DOCK1: variants seen among roughly 807,000 people sequenced by gnomAD.
DOCK1 encodes dedicator of cytokinesis protein 1.
In DOCK1, 138 loss-of-function variants were observed where a neutral mutation model predicts 262.7. The ratio of observed to expected loss-of-function variants is 0.53; its 90% CI spans 0.46 to 0.61. The LOEUF (loss-of-function observed/expected upper bound fraction) is 0.61. Ranked by LOEUF, DOCK1 falls within the 20% of genes least tolerant of loss-of-function variation. DOCK1 has a pLI of 0.00. For missense variants in DOCK1, 1,908 were observed against 2,370.7 expected (o/e 0.80, Z 4.05); for synonymous variants, 866 against 867.4 (o/e 1.00, Z 0.03).
At chr10:127,010,468 A>C (rs1177480832) in intron 11 of DOCK1, among the ~76,000 whole-genome samples, 1 of 152,224 alleles carries the variant, frequency 6.6e-6, no homozygotes, top group Non-Finnish European at 1.5e-5. Flanking sequence ...TTCTGTCTCA[A>C]TGATAATAGT....
intron 16 of DOCK1, among the ~76,000 whole-genome samples, chr10:127,030,913 GAAAGAGGGTGATTGGGTGACT>G (rs1259628346): frequency 7.9e-5 from 12 of 152,164 alleles, no homozygotes; most frequent in Non-Finnish European, 4.4e-5. Flanking sequence ...CAGGTGAGAG[GAAAGAGGGTGATTGGGTGACT>G]AATGGGCTAT....
At chr10:127,075,731 G>T (rs550687323) in intron 23 of DOCK1, among the ~76,000 whole-genome samples, 1 of 152,216 alleles carries the variant, frequency 6.6e-6, no homozygotes, top group East Asian at 1.9e-4. Context: ...CATGAGAACG[G>T]CAAGGGGGAG....
intron 29 of DOCK1, among the ~76,000 whole-genome samples, chr10:127,290,731 G>A (rs1185913007): frequency 1.3e-5 from 2 of 152,092 alleles, no homozygotes; most frequent in Non-Finnish European, 2.9e-5. Flanking sequence ...TTCCCTTGAG[G>A]TCCATCCAGG....
At position 127,437,079 on chromosome 10, in the gene DOCK1, T is replaced by C. The variant is rs941586073; in HGVS notation, c.5061-1948T>C. Among the ~76,000 whole-genome samples, 1 of 152,188 alleles carries C rather than the reference T, an allele frequency of 6.6e-6. No homozygotes were observed. The highest frequency in any genetic ancestry group is 1.5e-5 in the Non-Finnish European group (1 of 68,028). On this transcript the variant is annotated intron_variant, in intron 48 of 51. Coordinates refer to ENST00000623213, the MANE Select transcript of DOCK1 (RefSeq NM_001290223.2). This position sits in a 1 kb window ranked among gnomAD's most constrained non-coding sequence, Gnocchi z 4.4. ...ATTCTCCATATTCCCTGCATATTGG[T>C]GGTTGAATCTAGCGATTTGATCAGA...
chr10:127,268,349 A>T (rs1243142271), intron 29 of DOCK1, among the ~76,000 whole-genome samples: 2 of 151,876 alleles, frequency 1.3e-5, no homozygotes, highest in Non-Finnish European at 2.9e-5. Context: ...TACAAAAAAA[A>T]ATCAGCCAGG....
At chr10:127,200,570 A>G (rs1450775961) in intron 27 of DOCK1, among the ~76,000 whole-genome samples, 1 of 152,060 alleles carries the variant, frequency 6.6e-6, no homozygotes, top group Admixed American at 6.5e-5. Context: ...CGCCTGGCTG[A>G]TTTTTTGTAT....
chr10:127,261,828 GTGCATGTGGGTGTGCGTGTGTGTACC>G (rs1424521840), intron 29 of DOCK1, among the ~76,000 whole-genome samples: 29 of 136,688 alleles, frequency 2.1e-4, no homozygotes, highest in East Asian at 6.9e-4. Flanking sequence ...CCTGCATTGT[GTGCATGTGGGTGTGCGTGTGTGTACC>G]TGCATGTGGG....
At chr10:127,340,507 C>G (rs979098580) in intron 30 of DOCK1, among the ~76,000 whole-genome samples, 2 of 152,146 alleles carry the variant, frequency 1.3e-5, no homozygotes, top group Non-Finnish European at 2.9e-5. Context: ...GCACTGATAA[C>G]CTAGAGGCTG....
At chr10:126,952,306 CAGT>C (rs1472224914) in intron 1 of DOCK1, among the ~76,000 whole-genome samples, 46 of 148,676 alleles carry the variant, frequency 3.1e-4, no homozygotes, top group Non-Finnish European at 5.5e-4. Context: ...GTGGTGGTGG[CAGT>C]AGTATTGTTA....
At chr10:127,379,530 G>T (rs1268917800) in intron 35 of DOCK1, among the ~76,000 whole-genome samples, 1 of 152,208 alleles carries the variant, frequency 6.6e-6, no homozygotes, top group Admixed American at 6.5e-5. Context: ...GGCAAGTGCA[G>T]CTGGGGAAGT....
intron 1 of DOCK1, among the ~76,000 whole-genome samples, chr10:126,923,039 G>T (rs1170575821): frequency 6.6e-6 from 1 of 152,120 alleles, no homozygotes; most frequent in Non-Finnish European, 1.5e-5. Flanking sequence ...AGCCCGGGAG[G>T]CGGAGGTTGC....
chr10:127,339,600 TGAGAGA>T (rs72345552), intron 30 of DOCK1, among the ~76,000 whole-genome samples: 1 of 149,918 alleles, frequency 6.7e-6, no homozygotes, highest in African/African-American at 2.5e-5. Context: ...ATGCAGTGTG[TGAGAGA>T]GAGAGAGAGT....
chr10:127,361,707 G>T lies in DOCK1; in HGVS notation c.3284-357G>T, dbSNP rs78741914. 3.9e-3 allele frequency among the ~76,000 whole-genome samples: 601 copies of T among 152,232 alleles called. 3 individuals are homozygous for T. The highest frequency in any genetic ancestry group is 6.8e-3 in the Middle Eastern group (2 of 294). On this transcript the variant is annotated intron_variant, in intron 32 of 51. Transcript: ENST00000623213. Reference sequence around the variant, plus strand: ...AGTTAGAGGCTGAGACCCCCGACTCGCAGCCCCTGCTCTATTCAGAATTGG... The same window carrying T: ...AGTTAGAGGCTGAGACCCCCGACTCTCAGCCCCTGCTCTATTCAGAATTGG...
rs1258668992 is a variant in DOCK1 at position 127,176,382 on chromosome 10, T to C, written c.2847+48618T>C. 21 of 1,607,694 alleles carry C rather than the reference T, an allele frequency of 1.3e-5. No individual in the cohort carries two copies. Among genetic ancestry groups the C allele is most frequent in the Non-Finnish European group, 1.8e-5 (21 of 1,177,662 alleles). On this transcript the variant is annotated intron_variant, in intron 27 of 51. Coordinates refer to ENST00000623213, the MANE Select transcript of DOCK1 (RefSeq NM_001290223.2). This position sits in a 1 kb window ranked among gnomAD's most constrained non-coding sequence, Gnocchi z 4.4. ...CGTTGTGAGTATGCATTTGCCGGTG[T>C]CCTTACTGACCATGGTTCCTGCATT...
intron 51 of DOCK1, among the ~76,000 whole-genome samples, chr10:127,450,970 G>A (rs535153192): frequency 5.9e-5 from 9 of 152,252 alleles, no homozygotes; most frequent in African/African-American, 1.9e-4. Context: ...GCAAAAGAAG[G>A]TCTCTCATCT....
intron 12 of DOCK1, among the ~76,000 whole-genome samples, chr10:127,014,417 G>A (rs1399689711): frequency 2.0e-5 from 3 of 151,286 alleles, no homozygotes; most frequent in South Asian, 2.1e-4. Context: ...TTTTTAAAGC[G>A]TGTGGTAATA....
intron 46 of DOCK1, among the ~76,000 whole-genome samples, chr10:127,423,012 A>G (rs557524031): frequency 6.6e-6 from 1 of 152,328 alleles, no homozygotes; most frequent in South Asian, 2.1e-4. Context: ...AAAGCAGGTC[A>G]CAGGAAAGGT....
chr10:127,358,025 T>A lies in DOCK1; in HGVS notation c.3283+3298T>A, dbSNP rs537965088. On this transcript the variant is annotated intron_variant, in intron 32 of 51. Transcript: ENST00000623213. ...TTTTTTTTATTTTAATTTTACTTTT[T>A]GTAAATGGGTGCAGGTTTGGGAACA... 2.0e-5 allele frequency among the ~76,000 whole-genome samples: 3 copies of A among 152,234 alleles called. No homozygotes were observed. The South Asian group carries it at 6.2e-4, about 32-fold the overall frequency.
intron 27 of DOCK1, among the ~76,000 whole-genome samples, chr10:127,171,269 CAG>C (rs1314287729): frequency 6.6e-6 from 1 of 152,224 alleles, no homozygotes; most frequent in Non-Finnish European, 1.5e-5. Context: ...GCCAGTGACA[CAG>C]AAATTCCTGC....
Sources: gnomAD v4.1 joint callset for allele counts (sites outside exome capture counted in the v4.1 genomes callset) on GRCh38, gnomAD v4.1.1 for gene constraint, Gnocchi (gnomAD v3.1) non-coding constraint, MANE v1.5 for transcripts, NCBI Gene and HGNC (gene_info 2026-07-23, HGNC 2026-07-21) for gene names.